The following CCNB3 variants were observed in gnomAD, a reference collection of about 807,000 sequenced individuals.
The protein encoded by CCNB3 is G2/mitotic-specific cyclin-B3.
In CCNB3, 12 loss-of-function variants were observed where a neutral mutation model predicts 68.0. The ratio of observed to expected loss-of-function variants is 0.18; its 90% CI spans 0.11 to 0.29. The LOEUF (loss-of-function observed/expected upper bound fraction) is 0.29, where lower values mean the gene tolerates loss of function less well. CCNB3 is among the 10% of genes least tolerant of loss of function. The pLI is 1.00. For synonymous variants in CCNB3, 354 were observed against 388.9 expected (o/e 0.91, Z 1.06); for missense variants, 904 against 993.1 (o/e 0.91, Z 1.21).
intron 5 of CCNB3, among the ~76,000 whole-genome samples, chrX:50,301,584 G>T (rs1230947361): frequency 1.8e-5 from 2 of 112,503 alleles, no homozygotes; most frequent in Non-Finnish European, 3.8e-5. Flanking sequence ...AGGGGTCAGG[G>T]ACCCACTTGA....
intron 11 of CCNB3, 45 bp from the exon 12 acceptor site, chrX:50,351,196 T>C: frequency 1.7e-6 from 2 of 1,201,298 alleles, no homozygotes; most frequent in South Asian, 3.6e-5. Flanking sequence ...GGAGGAACGG[T>C]GTGCTTCCTA....
intron 1 of CCNB3, among the ~76,000 whole-genome samples, chrX:50,215,499 A>G (rs1310769292): frequency 9.1e-6 from 1 of 109,436 alleles, no homozygotes; most frequent in African/African-American, 3.3e-5. Flanking sequence ...ATAAATGTCA[A>G]TTAGATTCTG....
At chrX:50,228,422 G>A (rs1935968020) in intron 1 of CCNB3, among the ~76,000 whole-genome samples, 1 of 89,492 alleles carries the variant, frequency 1.1e-5, no homozygotes, top group Non-Finnish European at 2.1e-5. Flanking sequence ...TATCTATGTA[G>A]AATATATATA....
Position 50,208,355 on chromosome X carries a change from G to A in CCNB3, c.-113+3405G>A, listed in dbSNP as rs1935410216. Among the ~76,000 whole-genome samples the A allele has an allele frequency of 2.7e-5, 3 of 112,318 alleles. No homozygotes were observed. In the Admixed American group the frequency reaches 2.8e-4, roughly 11 times the overall value. On this transcript the variant is annotated intron_variant, in intron 1 of 12. Coordinates refer to ENST00000376042, the MANE Select transcript of CCNB3 (RefSeq NM_033031.3). ...ATGACAATATTCTTAGGTCTGATAT[G>A]TTAACCCTGAACCACACAGATTTTG...
At chrX:50,226,128 T>C (rs1383457905) in intron 1 of CCNB3, among the ~76,000 whole-genome samples, 1 of 77,584 alleles carries the variant, frequency 1.3e-5, no homozygotes, top group East Asian at 3.8e-4. Context: ...ATATATTCGA[T>C]ATATATAAAT....
At chrX:50,227,233 AAT>A (rs1293145026) in intron 1 of CCNB3, among the ~76,000 whole-genome samples, 6 of 80,104 alleles carry the variant, frequency 7.5e-5, no homozygotes, top group South Asian at 5.8e-4. Context: ...TATATATATA[AAT>A]ATATATATAC....
At chrX:50,213,887 A>G (rs1232535919) in intron 1 of CCNB3, among the ~76,000 whole-genome samples, 4 of 111,646 alleles carry the variant, frequency 3.6e-5, no homozygotes, top group Non-Finnish European at 7.5e-5. Context: ...TTATTGAGGT[A>G]TAATTGATAT....
At chrX:50,279,805 A>C (rs1323005266) in intron 1 of CCNB3, among the ~76,000 whole-genome samples, 1 of 88,302 alleles carries the variant, frequency 1.1e-5, no homozygotes, top group Non-Finnish European at 2.1e-5. Context: ...TACTATATAT[A>C]GAATATATAT....
chrX:50,286,228 A>G, intron 3 of CCNB3, among the ~76,000 whole-genome samples: 3 of 112,562 alleles, frequency 2.7e-5, no homozygotes, highest in Middle Eastern at 4.6e-3. Flanking sequence ...ATTTATCATC[A>G]GCTAGATGAA....
chrX:50,205,311 G>A (rs782104138), intron 1 of CCNB3, among the ~76,000 whole-genome samples: 2 of 111,412 alleles, frequency 1.8e-5, no homozygotes, highest in African/African-American at 3.3e-5. Flanking sequence ...GCGTGGTAGC[G>A]CGCGCCTGTA....
intron 4 of CCNB3, among the ~76,000 whole-genome samples, chrX:50,294,656 G>A (rs142955462): frequency 6.4e-4 from 71 of 111,620 alleles, no homozygotes; most frequent in Non-Finnish European, 1.2e-3. Context: ...CTACTGCACT[G>A]GTTGTTTGAT....
chrX:50,228,652 AATATATAGAATATATATAGAAT>A (rs1337195694), intron 1 of CCNB3, among the ~76,000 whole-genome samples: 1 of 81,884 alleles, frequency 1.2e-5, no homozygotes, highest in African/African-American at 4.7e-5. Flanking sequence ...ATATATATAG[AATATATAGAATATATATAGAAT>A]ATATATAGAA....
chrX:50,320,781 C>T (rs1400247409), intron 8 of CCNB3, among the ~76,000 whole-genome samples: 5 of 110,020 alleles, frequency 4.5e-5, no homozygotes, highest in African/African-American at 9.9e-5. Flanking sequence ...TCATTTTTTG[C>T]TTTGTGTTTT....
At chrX:50,217,061 A>G (rs1935583004) in intron 1 of CCNB3, among the ~76,000 whole-genome samples, 1 of 111,282 alleles carries the variant, frequency 9.0e-6, no homozygotes, top group South Asian at 3.8e-4. Flanking sequence ...CATATTTGAG[A>G]AAACTCAGGA....
intron 1 of CCNB3, among the ~76,000 whole-genome samples, chrX:50,227,795 A>T (rs1329952594): frequency 4.6e-5 from 4 of 87,056 alleles, no homozygotes; most frequent in African/African-American, 1.7e-4. Context: ...ATAAATATAT[A>T]TAGAGAATAA....
rs1181964794 is a variant in CCNB3 at position 50,279,688 on chromosome X, GCAAA to G, written c.-112-4851_-112-4848del. ...TATATGAATATGTACATTCATCTAT[GCAAA>G]CATATATGTGAATATGTATATTCAT... On this transcript the variant is annotated intron_variant, in intron 1 of 12. Transcript: ENST00000376042. 3.9e-3 allele frequency among the ~76,000 whole-genome samples: 345 copies of G among 87,620 alleles called. 3 individuals carry two copies. The highest frequency in any genetic ancestry group is 0.013 in the African/African-American group (324 of 24,036). The allele number at this position is 87,620 out of a possible 115,157, so 76.1% of individuals were successfully genotyped here.
At chrX:50,292,610 A>G (rs1490348769) in intron 4 of CCNB3, among the ~76,000 whole-genome samples, 1 of 111,116 alleles carries the variant, frequency 9.0e-6, no homozygotes, top group African/African-American at 3.3e-5. Flanking sequence ...TCTTGCAACT[A>G]GTAAGGAATC....
At chrX:50,220,594 G>A (rs1401603464) in intron 1 of CCNB3, among the ~76,000 whole-genome samples, 1 of 111,863 alleles carries the variant, frequency 8.9e-6, no homozygotes, top group African/African-American at 3.2e-5. Flanking sequence ...ATGTTGACGT[G>A]AACCATCCTT....
chrX:50,311,372 C>G lies in CCNB3; in HGVS notation c.3203C>G (p.Thr1068Arg), dbSNP rs782150647. The G allele has an allele frequency of 5.0e-6, 6 of 1,210,891 alleles. No individual in the cohort carries two copies. Among genetic ancestry groups the G allele is most frequent in the Middle Eastern group, 2.3e-4 (1 of 4,352 alleles). ...YVFSTTPESI[T>R]EKSSIATMTS... ...TTTAGCACCACCCCTGAATCCATAA[C>G]AGAGAAGTCCAGCATTGCAACCATG... Residue 1068 changes from threonine to arginine, a missense_variant, in exon 6 of 13, where the codon ACA becomes AGA. Physicochemically the swap from Thr to Arg is moderately conservative, Grantham distance 71 (BLOSUM62 -1). Coordinates refer to ENST00000376042, the MANE Select transcript of CCNB3 (RefSeq NM_033031.3).
Sources: allele counts gnomAD v4.1 joint callset (sites outside exome capture counted in the v4.1 genomes callset), GRCh38; gene constraint gnomAD v4.1.1; transcripts MANE v1.5; gene names NCBI Gene and HGNC (gene_info 2026-07-23, HGNC 2026-07-21).